Variants in NLRP8 observed in about 807,000 individuals in gnomAD.
NLRP8 encodes the protein NLR family pyrin domain containing 8, also known as NACHT, LRR and PYD domains-containing protein 8.
A neutral mutation model predicts 88.7 loss-of-function variants in NLRP8; 86 were observed. That is an observed-to-expected ratio of 0.97 (90% CI 0.81 to 1.16). The LOEUF is 1.16. NLRP8 is among the 50% of genes most tolerant of loss of function. NLRP8 has a pLI of 0.00. For missense variants in NLRP8, 1,342 were observed against 1,286.5 expected, an observed-to-expected ratio of 1.04 and a Z score of -0.66; for synonymous variants, 504 against 494.6, an observed-to-expected ratio of 1.02 and a Z score of -0.25.
At chr19:55,981,712 A>C (rs1980580110) in intron 9 of NLRP8, among the ~76,000 whole-genome samples, 1 of 152,176 alleles carries the variant, frequency 6.6e-6, no homozygotes, top group African/African-American at 2.4e-5. Context: ...CTCATGTTTA[A>C]GGAGCTCTAA....
intron 1 of NLRP8, among the ~76,000 whole-genome samples, chr19:55,949,637 G>A (rs78522745): frequency 1.3e-5 from 2 of 152,116 alleles, no homozygotes; most frequent in Non-Finnish European, 2.9e-5. Flanking sequence ...TGCAGAGAAG[G>A]GGGGACTACT....
intron 3 of NLRP8, among the ~76,000 whole-genome samples, chr19:55,960,432 A>T (rs1165588243): frequency 6.6e-6 from 1 of 152,132 alleles, no homozygotes; most frequent in Non-Finnish European, 1.5e-5. Context: ...TTTATTAGGG[A>T]GGGGAATAAA....
intron 2 of NLRP8, 126 bp from the exon 3 acceptor site, chr19:55,954,375 T>C: frequency 3.2e-6 from 3 of 952,154 alleles, no homozygotes; most frequent in South Asian, 1.7e-5. Context: ...GGAAAGGTTA[T>C]TTCATTTATG....
intron 9 of NLRP8, among the ~76,000 whole-genome samples, chr19:55,986,461 CACTCTCTCACAT>C (rs1435848074): frequency 0.091 from 5,743 of 63,444 alleles, 144 homozygotes; most frequent in Admixed American, 0.18. Context: ...CTCACACACA[CACTCTCTCACAT>C]ACACACACAC....
intron 2 of NLRP8, among the ~76,000 whole-genome samples, chr19:55,953,188 G>A (rs1979173029): frequency 6.6e-6 from 1 of 152,030 alleles, no homozygotes; most frequent in African/African-American, 2.4e-5. Flanking sequence ...CTGTGCATGC[G>A]AGGGATCTAG....
intron 3 of NLRP8, among the ~76,000 whole-genome samples, chr19:55,960,817 T>TAGG (rs1568462064): frequency 3.9e-5 from 6 of 152,186 alleles, no homozygotes; most frequent in Middle Eastern, 3.4e-3. Context: ...CAATGAAGTA[T>TAGG]TCTTTGAAAA....
chr19:55,974,456 A>G (rs573250191), intron 7 of NLRP8, among the ~76,000 whole-genome samples: 1 of 152,238 alleles, frequency 6.6e-6, no homozygotes, highest in South Asian at 2.1e-4. Flanking sequence ...AAGGGAAAGG[A>G]ATGTGCTATT....
intron 3 of NLRP8, among the ~76,000 whole-genome samples, chr19:55,958,829 G>A (rs1255623826): frequency 1.3e-5 from 2 of 152,136 alleles, no homozygotes. Context: ...GGGATTACAG[G>A]TGTGAGCCAC....
intron 5 of NLRP8, among the ~76,000 whole-genome samples, chr19:55,967,782 C>G (rs1170623489): frequency 6.6e-6 from 1 of 152,206 alleles, no homozygotes; most frequent in Non-Finnish European, 1.5e-5. Flanking sequence ...TTTCATGAGC[C>G]AGTTGTTAAA....
intron 6 of NLRP8, among the ~76,000 whole-genome samples, chr19:55,971,192 C>T (rs1384915918): frequency 6.6e-6 from 1 of 152,162 alleles, no homozygotes; most frequent in African/African-American, 2.4e-5. Flanking sequence ...GTAATCCCAG[C>T]ACTTTGGGAG....
chr19:55,984,306 T>C (rs1980702889), intron 9 of NLRP8, among the ~76,000 whole-genome samples: 1 of 152,200 alleles, frequency 6.6e-6, no homozygotes, highest in Admixed American at 6.5e-5. Context: ...AAGCAGTTTT[T>C]AAAAGCATAA....
intron 5 of NLRP8, among the ~76,000 whole-genome samples, chr19:55,968,115 T>C (rs1316613828): frequency 6.6e-6 from 1 of 152,218 alleles, no homozygotes; most frequent in Non-Finnish European, 1.5e-5. Context: ...TCACAAAATA[T>C]TCGTTTAATA....
intron 5 of NLRP8, among the ~76,000 whole-genome samples, chr19:55,969,141 G>A (rs1417550787): frequency 6.6e-6 from 1 of 152,164 alleles, no homozygotes; most frequent in African/African-American, 2.4e-5. Context: ...TAGGGTACAG[G>A]TGATTTTTGG....
intron 2 of NLRP8, 63 bp from the exon 3 acceptor site, chr19:55,954,438 C>G (rs1264671913): frequency 6.6e-7 from 1 of 1,510,780 alleles, no homozygotes; most frequent in African/African-American, 1.4e-5. Flanking sequence ...TCTTATTGCT[C>G]TATTAGTTCT....
At chr19:55,965,267 A>G (rs1038622526) in intron 4 of NLRP8, among the ~76,000 whole-genome samples, 1 of 152,190 alleles carries the variant, frequency 6.6e-6, no homozygotes, top group Non-Finnish European at 1.5e-5. Flanking sequence ...CCTGGCCAAC[A>G]TAATAAAATC....
intron 4 of NLRP8, among the ~76,000 whole-genome samples, chr19:55,963,123 C>T (rs919774693): frequency 2.6e-5 from 4 of 152,160 alleles, no homozygotes; most frequent in Admixed American, 2.6e-4. Context: ...AAGCAATTCT[C>T]CTGCCTCAGC....
Position 55,955,262 on chromosome 19 carries a change from G to A in NLRP8, c.1204G>A (p.Val402Ile), listed in dbSNP as rs142211286. The A allele has an allele frequency of 1.2e-5, 20 of 1,614,060 alleles. No individual in the cohort carries two copies. The African/African-American group carries it at 1.7e-4, about 14-fold the overall frequency. The change falls in exon 3 of 10, where the codon GTC becomes ATC. Residue 402 changes from valine (V) to isoleucine (I), a missense_variant. Val to Ile is a conservative substitution (Grantham distance 29). Coordinates refer to ENST00000291971, the MANE Select transcript of NLRP8 (RefSeq NM_176811.2). ...CCGGGTCCCTGTGGTTTGCTGGATG[G>A]TCTGCTCTGGTCTGAAACAGCAAAT...
chr19:55,983,463 CAAAAAAA>C (rs3974175), intron 9 of NLRP8, among the ~76,000 whole-genome samples: 3 of 85,322 alleles, frequency 3.5e-5, no homozygotes, highest in Non-Finnish European at 4.2e-5. Context: ...GACTCCATCT[CAAAAAAA>C]AAAAAAAAAA....
intron 8 of NLRP8, among the ~76,000 whole-genome samples, chr19:55,978,392 C>A (rs745967789): frequency 2.0e-5 from 3 of 151,928 alleles, no homozygotes; most frequent in Non-Finnish European, 2.9e-5. Flanking sequence ...TAACAGAATA[C>A]CTGAAATTGC....
Sources: gnomAD v4.1 joint callset for allele counts (sites outside exome capture counted in the v4.1 genomes callset) on GRCh38, gnomAD v4.1.1 for gene constraint, MANE v1.5 for transcripts, NCBI Gene and HGNC (gene_info 2026-07-23, HGNC 2026-07-21) for gene names.